The following TNIK variants were observed in gnomAD, a reference collection of about 807,000 sequenced individuals.
TNIK encodes TRAF2 and NCK-interacting protein kinase.
A neutral mutation model predicts 191.3 loss-of-function variants in TNIK; 49 were observed. That is an observed-to-expected ratio of 0.26 (90% CI 0.20 to 0.32). TNIK has a LOEUF of 0.32. Among genes scored for constraint, TNIK ranks in the 10% least tolerant of loss-of-function variants. TNIK has a pLI of 1.00. For missense variants in TNIK, 1,155 were observed against 1,702.3 expected, an observed-to-expected ratio of 0.68 and a Z score of 5.66; for synonymous variants, 594 against 600.9, an observed-to-expected ratio of 0.99 and a Z score of 0.17.
At chr3:171,447,970 C>T (rs1727711185) in intron 1 of TNIK, among the ~76,000 whole-genome samples, 1 of 152,006 alleles carries the variant, frequency 6.6e-6, no homozygotes, top group Non-Finnish European at 1.5e-5. Context: ...ATTTTTTAGG[C>T]ATGATAATAC....
At chr3:171,154,572 T>A (rs1431735858) in intron 12 of TNIK, among the ~76,000 whole-genome samples, 1 of 152,188 alleles carries the variant, frequency 6.6e-6, no homozygotes, top group African/African-American at 2.4e-5. Flanking sequence ...GAATCAAACA[T>A]CACCACAAAC....
chr3:171,125,929 C>T lies in TNIK; in HGVS notation c.1996G>A (p.Glu666Lys), dbSNP rs1349834634. ...AATATTACCTTTGGTGGAATGTCTTCTTCCTGTCGTAACCAAGAGCTTCGG... is the reference window on the plus strand; with the variant it reads ...AATATTACCTTTGGTGGAATGTCTTTTTCCTGTCGTAACCAAGAGCTTCGG... ...FDRSSWLRQE[E>K]DIPPKVPQRT... The change falls in exon 17 of 33, where the codon GAA becomes AAA. Residue 666 changes from glutamate (E) to lysine (K), a missense_variant. Physicochemically the swap from Glu to Lys is moderately conservative, Grantham distance 56 (BLOSUM62 1). Transcript: ENST00000436636. 6.2e-7 allele frequency: 1 copy of T among 1,613,978 alleles called. No individual in the cohort carries two copies. Among genetic ancestry groups the T allele is most frequent in the Non-Finnish European group, 8.5e-7 (1 of 1,179,896 alleles).
chr3:171,290,478 GTGCC>G (rs1751559715), intron 2 of TNIK, among the ~76,000 whole-genome samples: 1 of 152,330 alleles, frequency 6.6e-6, no homozygotes, highest in South Asian at 2.1e-4. Flanking sequence ...TCTCAGTAGA[GTGCC>G]TGGCACACAA....
intron 4 of TNIK, among the ~76,000 whole-genome samples, chr3:171,205,882 T>C (rs1165583808): frequency 5.3e-5 from 8 of 152,208 alleles, no homozygotes; most frequent in African/African-American, 1.9e-4. Context: ...ATGAGGGCAC[T>C]AATCCCATTT....
intron 1 of TNIK, among the ~76,000 whole-genome samples, chr3:171,382,854 C>G (rs867997626): frequency 3.3e-5 from 5 of 152,270 alleles, no homozygotes; most frequent in Middle Eastern, 3.4e-3. Context: ...TCCTATCCTA[C>G]TCTACTCTGA....
At chr3:171,257,506 C>G (rs950903366) in intron 2 of TNIK, among the ~76,000 whole-genome samples, 10 of 152,168 alleles carry the variant, frequency 6.6e-5, no homozygotes, top group Non-Finnish European at 1.3e-4. Flanking sequence ...ATTGCTGTTG[C>G]TGTAGACCTT....
intron 12 of TNIK, among the ~76,000 whole-genome samples, chr3:171,142,884 T>C (rs1461508146): frequency 6.6e-6 from 1 of 152,188 alleles, no homozygotes; most frequent in Non-Finnish European, 1.5e-5. Flanking sequence ...GTCTCTTTCT[T>C]AAGGAAAGGA....
At chr3:171,295,934 G>A (rs1287507875) in intron 2 of TNIK, among the ~76,000 whole-genome samples, 3 of 152,222 alleles carry the variant, frequency 2.0e-5, no homozygotes, top group Non-Finnish European at 2.9e-5. Context: ...ATGCAAGGTC[G>A]AGTACTAGGC....
At chr3:171,236,333 C>A (rs1744263418) in intron 2 of TNIK, among the ~76,000 whole-genome samples, 1 of 152,212 alleles carries the variant, frequency 6.6e-6, no homozygotes, top group Non-Finnish European at 1.5e-5. Context: ...ATAAGAATGG[C>A]TTACGGTGTC....
At chr3:171,373,693 T>C (rs1009928453) in intron 1 of TNIK, among the ~76,000 whole-genome samples, 4 of 152,194 alleles carry the variant, frequency 2.6e-5, no homozygotes, top group Admixed American at 1.3e-4. Context: ...AGCCTTGTGT[T>C]CCATCATTCT....
chr3:171,224,445 T>C (rs1742736901), intron 3 of TNIK, among the ~76,000 whole-genome samples: 1 of 151,530 alleles, frequency 6.6e-6, no homozygotes, highest in South Asian at 2.1e-4. Flanking sequence ...CAAATGAAAA[T>C]GGGGATTATT....
intron 18 of TNIK, among the ~76,000 whole-genome samples, chr3:171,117,362 G>A (rs1726894066): frequency 6.6e-6 from 1 of 152,178 alleles, no homozygotes; most frequent in South Asian, 2.1e-4. Flanking sequence ...AAGGTTATCA[G>A]AGCTCAAATC....
At chr3:171,246,286 T>TTAA (rs1553868134) in intron 2 of TNIK, among the ~76,000 whole-genome samples, 7 of 112,946 alleles carry the variant, frequency 6.2e-5, no homozygotes, top group African/African-American at 2.5e-4. Flanking sequence ...GAGAACCAGA[T>TTAA]AAAAAAAAAA....
At chr3:171,192,093 G>C (rs1222172916) in intron 5 of TNIK, among the ~76,000 whole-genome samples, 1 of 152,068 alleles carries the variant, frequency 6.6e-6, no homozygotes, top group Non-Finnish European at 1.5e-5. Flanking sequence ...GAGTACAGAG[G>C]TCCAAAAAGA....
At chr3:171,293,163 C>T (rs1001366511) in intron 2 of TNIK, among the ~76,000 whole-genome samples, 69 of 152,148 alleles carry the variant, frequency 4.5e-4, no homozygotes, top group African/African-American at 1.6e-3. Context: ...TTCCAACACA[C>T]TAGAGGAGGA....
At chr3:171,272,996 C>T (rs976930569) in intron 2 of TNIK, among the ~76,000 whole-genome samples, 1 of 152,154 alleles carries the variant, frequency 6.6e-6, no homozygotes, top group Admixed American at 6.5e-5. Flanking sequence ...TTCAACAGCC[C>T]AACCAGAGAT....
At chr3:171,119,916 G>T (rs1172864324) in intron 18 of TNIK, among the ~76,000 whole-genome samples, 1 of 152,138 alleles carries the variant, frequency 6.6e-6, no homozygotes, top group African/African-American at 2.4e-5. Flanking sequence ...CCTGCACGTT[G>T]TGCACATGTA....
At chr3:171,282,207 C>T (rs756632414) in intron 2 of TNIK, among the ~76,000 whole-genome samples, 1 of 151,922 alleles carries the variant, frequency 6.6e-6, no homozygotes, top group Non-Finnish European at 1.5e-5. Context: ...TGTATCCCAG[C>T]GAATCACAAA....
At chr3:171,430,962 A>G (rs373123100) in intron 1 of TNIK, among the ~76,000 whole-genome samples, 5 of 152,170 alleles carry the variant, frequency 3.3e-5, no homozygotes, top group South Asian at 2.1e-4. Context: ...TGCAGAAGAT[A>G]AAAAGTAGAG....
Sources: gnomAD v4.1 joint callset for allele counts (sites outside exome capture counted in the v4.1 genomes callset) on GRCh38, gnomAD v4.1.1 for gene constraint, MANE v1.5 for transcripts, NCBI Gene and HGNC (gene_info 2026-07-23, HGNC 2026-07-21) for gene names.